The following SWAP70 variants were observed in gnomAD, a reference collection of about 807,000 sequenced individuals.
SWAP70 encodes switching B cell complex subunit SWAP70, also known as switch-associated protein 70.
SWAP70 carries 34 observed loss-of-function variants against 80.2 expected under a neutral mutation model. The observed-to-expected ratio is 0.42, with a 90% CI of 0.32 to 0.56. SWAP70 has a LOEUF of 0.56. Among genes scored for constraint, SWAP70 ranks in the 20% least tolerant of loss-of-function variants. The pLI, the probability that SWAP70 is intolerant of heterozygous loss-of-function variation, is 0.09. For missense variants in SWAP70, 578 were observed against 690.7 expected, an observed-to-expected ratio of 0.84 and a Z score of 1.83; for synonymous variants, 239 against 238.5, an observed-to-expected ratio of 1.00 and a Z score of -0.02.
chr11:9,691,210 G>A (rs1240006827), intron 1 of SWAP70, among the ~76,000 whole-genome samples: 3 of 152,178 alleles, frequency 2.0e-5, no homozygotes, highest in African/African-American at 4.8e-5. Context: ...AAGCCACCAT[G>A]CCCAGCCTGT....
intron 1 of SWAP70, among the ~76,000 whole-genome samples, chr11:9,684,604 C>G (rs531207129): frequency 6.6e-6 from 1 of 152,202 alleles, no homozygotes; most frequent in South Asian, 2.1e-4. Context: ...TCTACTAGAT[C>G]TCAGGCCAGA....
intron 2 of SWAP70, among the ~76,000 whole-genome samples, chr11:9,697,991 G>A (rs1850780450): frequency 6.6e-6 from 1 of 151,560 alleles, no homozygotes; most frequent in Admixed American, 6.6e-5. Context: ...TCACTATGTT[G>A]CCCAGACTGG....
intron 7 of SWAP70, 61 bp from the exon 8 acceptor site, chr11:9,738,152 C>T (rs1355723403): frequency 3.4e-6 from 4 of 1,177,590 alleles, no homozygotes; most frequent in Non-Finnish European, 4.8e-6. Context: ...CTGTCTCTCT[C>T]TCTTTAATGT....
chr11:9,725,385 A>G, intron 4 of SWAP70, among the ~76,000 whole-genome samples: 1 of 129,100 alleles, frequency 7.7e-6, no homozygotes, highest in East Asian at 2.0e-4. Flanking sequence ...TACAGTTAAA[A>G]TATATATATA....
intron 1 of SWAP70, among the ~76,000 whole-genome samples, chr11:9,677,478 T>A (rs896958115): frequency 1.3e-5 from 2 of 152,176 alleles, no homozygotes; most frequent in Non-Finnish European, 2.9e-5. Flanking sequence ...CCTTGGCCCA[T>A]ATTAGTCCCC....
At chr11:9,746,976 C>A (rs1851520246) in intron 9 of SWAP70, among the ~76,000 whole-genome samples, 1 of 152,196 alleles carries the variant, frequency 6.6e-6, no homozygotes, top group Non-Finnish European at 1.5e-5. Context: ...TAGTAACTGA[C>A]CAGTCATGTG....
intron 8 of SWAP70, 121 bp from the exon 9 acceptor site, chr11:9,740,060 C>G (rs1851415655): frequency 3.8e-6 from 3 of 788,076 alleles, no homozygotes; most frequent in Non-Finnish European, 6.1e-6. Context: ...GATTGAAGGA[C>G]AGGGTCCTGC....
intron 4 of SWAP70, 101 bp downstream of exon 4, chr11:9,724,986 ACACTGAT>A (rs1180192048): frequency 1.1e-6 from 1 of 887,332 alleles, no homozygotes. Flanking sequence ...TTATTTTCTT[ACACTGAT>A]TTCGTTTTTT....
At position 9,737,013 on chromosome 11, in the gene SWAP70, A is replaced by G. The variant is rs539537471; in HGVS notation, c.1081-1200A>G. On this transcript the variant is annotated intron_variant, in intron 7 of 11. Coordinates refer to ENST00000318950, the MANE Select transcript of SWAP70 (RefSeq NM_015055.4). ...CACTTGAGGCCAGGAATTTGAGACCAGCCTGGGCAACATAGCGAGACCTCA... is the reference window on the plus strand; with the variant it reads ...CACTTGAGGCCAGGAATTTGAGACCGGCCTGGGCAACATAGCGAGACCTCA... 3.9e-5 allele frequency among the ~76,000 whole-genome samples: 6 copies of G among 152,352 alleles called. No individual in the cohort carries two copies. The South Asian group carries it at 1.2e-3, about 32-fold the overall frequency.
At chr11:9,683,752 G>A (rs772487576) in intron 1 of SWAP70, among the ~76,000 whole-genome samples, 1 of 152,140 alleles carries the variant, frequency 6.6e-6, no homozygotes, top group African/African-American at 2.4e-5. Flanking sequence ...CTACCACCCC[G>A]CTCTGTCACT....
intron 2 of SWAP70, among the ~76,000 whole-genome samples, chr11:9,697,852 C>A (rs567050516): frequency 2.0e-5 from 3 of 152,188 alleles, no homozygotes; most frequent in Non-Finnish European, 4.4e-5. Context: ...GCTGTCACAG[C>A]TCCCTGCAAC....
At chr11:9,699,542 C>CTGTGTGTA (rs536033159) in intron 2 of SWAP70, among the ~76,000 whole-genome samples, 87 of 151,990 alleles carry the variant, frequency 5.7e-4, no homozygotes, top group South Asian at 2.1e-3. Flanking sequence ...TGATGGCCTG[C>CTGTGTGTA]TGTGTGTATG....
At position 9,750,617 on chromosome 11, in the gene SWAP70, G is replaced by A. The variant is rs919237287; in HGVS notation, c.*647G>A. On this transcript the variant is annotated 3_prime_UTR_variant, in exon 12 of 12. Coordinates refer to ENST00000318950, the MANE Select transcript of SWAP70 (RefSeq NM_015055.4). ...TGCAGACAGCACAGTCAGCTCTGCA[G>A]AGTTTGGAGGGGCTCACTGCCACTG... The A allele has an allele frequency of 6.6e-6, 1 of 152,306 alleles. No individual in the cohort carries two copies. Among genetic ancestry groups the A allele is most frequent in the African/African-American group, 2.4e-5 (1 of 41,466 alleles). 9.4% of individuals were successfully genotyped at this position (152,306 alleles called of 1,614,324 possible). A position where few individuals can be genotyped will look rare whatever the true frequency, so the allele number is the denominator to read the frequency against.
Position 9,675,382 on chromosome 11 carries a change from A to G in SWAP70, c.99+11104A>G, listed in dbSNP as rs868235865. The stretch of plus-strand genomic sequence containing the variant: ...GAGAGAGAGAGAGAGAGAGAGAGAG[A>G]GAGAGAGAGAGAGAGAGAGAGAGAG... On this transcript the variant is annotated intron_variant, in intron 1 of 11. Coordinates refer to ENST00000318950, the MANE Select transcript of SWAP70 (RefSeq NM_015055.4). Among the ~76,000 whole-genome samples the G allele has an allele frequency of 4.4e-4, 45 of 101,810 alleles. 2 individuals carry two copies. Among genetic ancestry groups the G allele is most frequent in the South Asian group, 2.4e-3 (5 of 2,074 alleles). The allele number at this position is 101,810 out of a possible 152,430, so 66.8% of individuals were successfully genotyped here.
At chr11:9,671,782 A>AT (rs1850410195) in intron 1 of SWAP70, among the ~76,000 whole-genome samples, 1 of 11,720 alleles carries the variant, frequency 8.5e-5, no homozygotes, top group African/African-American at 1.3e-4. Flanking sequence ...AATATAATAT[A>AT]TTATTATTTA....
At chr11:9,744,992 C>T (rs1268559561) in intron 9 of SWAP70, among the ~76,000 whole-genome samples, 2 of 152,242 alleles carry the variant, frequency 1.3e-5, no homozygotes, top group African/African-American at 4.8e-5. Flanking sequence ...GGATCTGTAA[C>T]ACCCTGGAGT....
intron 2 of SWAP70, among the ~76,000 whole-genome samples, chr11:9,707,541 AT>A (rs1295186550): frequency 7.2e-6 from 1 of 138,170 alleles, no homozygotes; most frequent in Non-Finnish European, 1.5e-5. Flanking sequence ...TATATAACAC[AT>A]TTTCTTTTTC....
chr11:9,685,970 A>G (rs1214373484), intron 1 of SWAP70, among the ~76,000 whole-genome samples: 2 of 152,166 alleles, frequency 1.3e-5, no homozygotes, highest in Non-Finnish European at 2.9e-5. Flanking sequence ...ATTGGAGATT[A>G]AGTTTCAACA....
At chr11:9,681,189 G>T (rs1458019510) in intron 1 of SWAP70, 1 of 152,236 alleles carries the variant, frequency 6.6e-6, no homozygotes, top group African/African-American at 2.4e-5. Context: ...GGCAGATCTT[G>T]TCCAGTATAA....
Sources: gnomAD v4.1 joint callset for allele counts (sites outside exome capture counted in the v4.1 genomes callset) on GRCh38, gnomAD v4.1.1 for gene constraint, MANE v1.5 for transcripts, NCBI Gene and HGNC (gene_info 2026-07-23, HGNC 2026-07-21) for gene names.